The following VLDLR variants were observed in gnomAD, a reference collection of about 807,000 sequenced individuals.
VLDLR encodes the protein very low density lipoprotein receptor, also known as very low-density lipoprotein receptor.
Under a neutral mutation model 112.7 loss-of-function variants are expected in VLDLR, and 81 were observed. The ratio of observed to expected loss-of-function variants is 0.72; its 90% CI spans 0.60 to 0.86. VLDLR has a LOEUF of 0.86. VLDLR is among the 40% of genes least tolerant of loss of function. The pLI is 0.00. For synonymous variants in VLDLR, 436 were observed against 384.8 expected, an observed-to-expected ratio of 1.13 and a Z score of -1.56; for missense variants, 1,237 against 1,099.4, an observed-to-expected ratio of 1.13 and a Z score of -1.77.
intron 1 of VLDLR, among the ~76,000 whole-genome samples, chr9:2,623,961 C>T (rs551260748): frequency 4.6e-5 from 7 of 152,234 alleles, no homozygotes; most frequent in African/African-American, 1.7e-4. Context: ...TTGCATTATG[C>T]CTTTTGTAAC....
Position 2,658,686 on chromosome 9 carries a change from A to G in VLDLR, c.*4818A>G, listed in dbSNP as rs1818693580. On this transcript the variant is annotated 3_prime_UTR_variant, in exon 19 of 19. Transcript: ENST00000382100. ...TAAGATTTAAGTGAGATGCACACAAAAAGCTCAGCACAGTGTCTGGCATCT... is the reference window on the plus strand; with the variant it reads ...TAAGATTTAAGTGAGATGCACACAAGAAGCTCAGCACAGTGTCTGGCATCT... 6.6e-6 allele frequency: 1 copy of G among 152,162 alleles called. No individual in the cohort carries two copies. The highest frequency in any genetic ancestry group is 6.5e-5 in the Admixed American group (1 of 15,290). 9.4% of individuals were successfully genotyped at this position (152,162 alleles called of 1,614,324 possible).
intron 2 of VLDLR, 125 bp downstream of exon 2, chr9:2,635,697 C>T (rs1407026765): frequency 6.9e-7 from 1 of 1,445,568 alleles, no homozygotes; most frequent in Non-Finnish European, 9.6e-7. Context: ...ATCTATACTT[C>T]TCTGTGTAAA....
intron 2 of VLDLR, among the ~76,000 whole-genome samples, chr9:2,638,950 G>C (rs1176451391): frequency 6.6e-6 from 1 of 152,198 alleles, no homozygotes; most frequent in African/African-American, 2.4e-5. Flanking sequence ...TTGTTACACT[G>C]ATTGAGTTTT....
At position 2,653,960 on chromosome 9, in the gene VLDLR, C is replaced by G. The variant is rs184964853; in HGVS notation, c.*92C>G. 7.3e-7 allele frequency: 1 copy of G among 1,365,670 alleles called. No individual in the cohort carries two copies. The highest frequency in any genetic ancestry group is 2.3e-5 in the East Asian group (1 of 43,594). 84.6% of individuals were successfully genotyped at this position (1,365,670 alleles called of 1,614,324 possible). A position where few individuals can be genotyped will look rare whatever the true frequency, so the allele number is the denominator to read the frequency against. ...CCAGCAGCTGAAGTCTCTTTTTCTT[C>G]CTCTCGGCTGGAAGAACATCAAGAT... On this transcript the variant is annotated 3_prime_UTR_variant, in exon 19 of 19. Transcript: ENST00000382100.
chr9:2,651,535 T>TAACA (rs758995745), intron 16 of VLDLR, 37 bp downstream of exon 16: 38 of 1,525,740 alleles, frequency 2.5e-5, no homozygotes, highest in Non-Finnish European at 3.3e-5. Context: ...TAATCTCAAC[T>TAACA]AACAGCCACA....
intron 1 of VLDLR, 87 bp from the exon 2 acceptor site, chr9:2,635,366 T>A: frequency 6.2e-7 from 1 of 1,603,426 alleles, no homozygotes; most frequent in South Asian, 1.1e-5. Flanking sequence ...TGCAGTATCC[T>A]TCTGAGAAGG....
chr9:2,633,051 A>AGAGAGAGAGAGAGAGAGTGT (rs1460780869), intron 1 of VLDLR, among the ~76,000 whole-genome samples: 4 of 115,466 alleles, frequency 3.5e-5, no homozygotes, highest in African/African-American at 1.3e-4. Flanking sequence ...AGAGAGAGAG[A>AGAGAGAGAGAGAGAGAGTGT]GTGTGTGTGT....
intron 2 of VLDLR, among the ~76,000 whole-genome samples, chr9:2,636,465 T>A (rs1817602721): frequency 2.6e-5 from 4 of 152,234 alleles, no homozygotes. Context: ...CTTTACCTAC[T>A]TCTTCATGCA....
Position 2,645,716 on chromosome 9 carries a change from G to T in VLDLR, c.1455G>T (p.Trp485Cys), listed in dbSNP as rs1342968032. 6.2e-7 allele frequency: 1 copy of T among 1,614,112 alleles called. No individual in the cohort carries two copies. Among genetic ancestry groups the T allele is most frequent in the South Asian group, 1.1e-5 (1 of 91,070 alleles). Residue 485 changes from tryptophan (W) to cysteine (C), a missense_variant, in exon 10 of 19, where the codon TGG (tryptophan) becomes TGT (cysteine). Transcript: ENST00000382100. ...ACATTGCTGCCCAGAAACTATTCTG[G>T]GCCGATCTAAGCCAAAAGGCTATCT... ...DADIAAQKLFWADLSQKAIFS... is the reference protein window; with the variant it reads ...DADIAAQKLFCADLSQKAIFS...
chr9:2,638,727 A>G (rs904309882), intron 2 of VLDLR, among the ~76,000 whole-genome samples: 10 of 152,206 alleles, frequency 6.6e-5, no homozygotes, highest in Non-Finnish European at 1.3e-4. Flanking sequence ...TGGACAAAAA[A>G]TTGCATGGTA....
intron 1 of VLDLR, among the ~76,000 whole-genome samples, chr9:2,624,976 A>C (rs1370104522): frequency 6.6e-6 from 1 of 152,192 alleles, no homozygotes; most frequent in East Asian, 1.9e-4. Context: ...TTATGGCCTG[A>C]GTCCCCAGAT....
intron 14 of VLDLR, among the ~76,000 whole-genome samples, chr9:2,650,122 A>ATCTG (rs1818255565): frequency 6.6e-6 from 1 of 152,134 alleles, no homozygotes; most frequent in Non-Finnish European, 1.5e-5. Flanking sequence ...CTCTTTTGGC[A>ATCTG]TCTGTCTCTT....
chr9:2,642,532 G>C (rs996490628), intron 4 of VLDLR, among the ~76,000 whole-genome samples: 3 of 152,154 alleles, frequency 2.0e-5, no homozygotes, highest in Non-Finnish European at 4.4e-5. Context: ...GAAACATTTG[G>C]CAGGAATTTA....
rs1364154198 is a variant in VLDLR, at chr9:2,641,429, G to A, written c.378G>A (p.Gln126=). Residue 126 remains glutamine (Q), a synonymous_variant, in exon 4 of 19, where the codon CAG becomes CAA. Transcript: ENST00000382100. ...TCAGCTGTGGCGCCCATTCTACTCA[G>A]TGTATCCCAGTGTCCTGGAGATGTG... is the stretch of plus-strand genomic sequence containing the variant. The part of the protein sequence containing the change: ...HEISCGAHST[Q]CIPVSWRCDG... 3.1e-6 allele frequency: 5 copies of A among 1,614,216 alleles called. No individual in the cohort carries two copies. Among genetic ancestry groups the A allele is most frequent in the East Asian group, 2.2e-5 (1 of 44,882 alleles).
rs547221594 is a variant in VLDLR at position 2,647,336 on chromosome 9, T to G, written c.1704-138T>G. On this transcript the variant is annotated intron_variant, in intron 11 of 18. Coordinates refer to ENST00000382100, the MANE Select transcript of VLDLR (RefSeq NM_003383.5). ...CAATTTTATTTACCTAGAACATAAT[T>G]TAGACCCTTAAGTGTTACTATTTGT... The G allele has an allele frequency of 4.2e-6, 3 of 715,132 alleles. No homozygotes were observed. The East Asian group carries it at 7.9e-5, about 19-fold the overall frequency. The allele number at this position is 715,132 out of a possible 1,614,324, so 44.3% of individuals were successfully genotyped here. A position where few individuals can be genotyped will look rare whatever the true frequency, so the allele number is the denominator to read the frequency against.
chr9:2,634,748 G>A (rs940327043), intron 1 of VLDLR, among the ~76,000 whole-genome samples: 1 of 151,978 alleles, frequency 6.6e-6, no homozygotes, highest in Non-Finnish European at 1.5e-5. Context: ...TTTTATCTTG[G>A]AGCTGTTTTT....
At chr9:2,652,738 T>C (rs1253339641) in intron 17 of VLDLR, 42 bp from the exon 18 acceptor site, 16 of 1,613,224 alleles carry the variant, frequency 9.9e-6, no homozygotes, top group Non-Finnish European at 1.2e-5. Context: ...TATGTTCCAA[T>C]ACTAGACTTA....
At chr9:2,645,105 G>A in intron 9 of VLDLR, 23 bp downstream of exon 9, 4 of 1,613,958 alleles carry the variant, frequency 2.5e-6, no homozygotes, top group South Asian at 1.1e-5. Flanking sequence ...GGACTGGTAT[G>A]GCTGTTGTAC....
Position 2,643,973 on chromosome 9 carries a change from T to C in VLDLR, c.1066+14T>C, listed in dbSNP as rs762128149. 61 of 1,613,838 alleles carry C rather than the reference T, an allele frequency of 3.8e-5. No homozygotes were observed. Among genetic ancestry groups the C allele is most frequent in the Non-Finnish European group, 4.8e-5 (57 of 1,179,938 alleles). On this transcript the variant is annotated intron_variant, in intron 7 of 18. Coordinates refer to ENST00000382100, the MANE Select transcript of VLDLR (RefSeq NM_003383.5). ...TGAAAGAGTGTCGTAAGTGTACTTG[T>C]TGTTCAAGTACAGATCCTGGAAGTT...
Sources: allele counts gnomAD v4.1 joint callset (sites outside exome capture counted in the v4.1 genomes callset), GRCh38; gene constraint gnomAD v4.1.1; transcripts MANE v1.5; gene names NCBI Gene and HGNC (gene_info 2026-07-23, HGNC 2026-07-21).